CEP170: variants seen among roughly 807,000 people sequenced by gnomAD.
CEP170 encodes the protein centrosomal protein of 170 kDa.
In CEP170, 21 loss-of-function variants were observed where a neutral mutation model predicts 151.9. The ratio of observed to expected loss-of-function variants is 0.14; its 90% CI spans 0.10 to 0.20. CEP170 has a LOEUF of 0.20. CEP170 is among the 10% of genes least tolerant of loss of function. CEP170 has a pLI of 1.00. For missense variants in CEP170, 964 were observed against 1,892.9 expected (o/e 0.51, Z 9.11); for synonymous variants, 356 against 648.8 (o/e 0.55, Z 6.86).
At chr1:243,222,709 C>T (rs2062924961) in intron 2 of CEP170, among the ~76,000 whole-genome samples, 1 of 152,128 alleles carries the variant, frequency 6.6e-6, no homozygotes, top group Non-Finnish European at 1.5e-5. Flanking sequence ...AGTCATCGCT[C>T]CCATCTTCAT....
rs552331737 is a variant in CEP170 at position 243,197,754 on chromosome 1, G to T, written c.631+1306C>A. ...ATGCTGAAGTAAACAACCCTCATGG[G>T]GTTCAGTTATGTGAGCCAGTAAATT... On this transcript the variant is annotated intron_variant, in intron 7 of 19. Transcript: ENST00000366542. Among the ~76,000 whole-genome samples the T allele has an allele frequency of 1.6e-4, 25 of 152,054 alleles. 2 individuals are homozygous for T. The South Asian group carries it at 5.2e-3, about 32-fold the overall frequency.
At chr1:243,233,382 A>G (rs186059393) in intron 1 of CEP170, among the ~76,000 whole-genome samples, 1 of 150,926 alleles carries the variant, frequency 6.6e-6, no homozygotes, top group African/African-American at 2.4e-5. Context: ...GCAGCTATTG[A>G]GCAGAGCACA....
At chr1:243,169,878 T>G in intron 11 of CEP170, 124 bp from the exon 12 acceptor site, 1 of 1,144,894 alleles carries the variant, frequency 8.7e-7, no homozygotes, top group African/African-American at 1.6e-5. Context: ...CACCTTGCTA[T>G]ATTATCATTG....
intron 10 of CEP170, among the ~76,000 whole-genome samples, chr1:243,181,989 C>T (rs2059645671): frequency 6.6e-6 from 1 of 152,132 alleles, no homozygotes; most frequent in South Asian, 2.1e-4. Flanking sequence ...CCTGCCAAAA[C>T]TCATGTAGAA....
intron 3 of CEP170, among the ~76,000 whole-genome samples, chr1:243,212,760 C>T (rs951355692): frequency 2.6e-5 from 4 of 152,052 alleles, no homozygotes; most frequent in Admixed American, 6.5e-5. Flanking sequence ...ATTTCCTGGG[C>T]TCAGGTGATT....
At chr1:243,238,872 C>T (rs1171414401) in intron 1 of CEP170, among the ~76,000 whole-genome samples, 1 of 152,122 alleles carries the variant, frequency 6.6e-6, no homozygotes, top group Non-Finnish European at 1.5e-5. Flanking sequence ...CTTAAATTAC[C>T]TCTCAATATC....
chr1:243,215,780 TTC>T (rs1239887083), intron 3 of CEP170, among the ~76,000 whole-genome samples: 1 of 152,146 alleles, frequency 6.6e-6, no homozygotes, highest in Non-Finnish European at 1.5e-5. Context: ...CCACACCCTA[TTC>T]ATACACTCCC....
chr1:243,126,792 C>T, intron 19 of CEP170, 54 bp from the exon 20 acceptor site: 2 of 1,483,746 alleles, frequency 1.3e-6, no homozygotes, highest in Non-Finnish European at 1.8e-6. Flanking sequence ...CACATATAAA[C>T]ACTGTTCATG....
At position 243,191,568 on chromosome 1, in the gene CEP170, T is replaced by C. The variant is rs1214285966; in HGVS notation, c.632-74A>G. 9.5e-6 allele frequency: 12 copies of C among 1,259,356 alleles called. No homozygotes were observed. The Admixed American group carries it at 2.1e-4, about 22-fold the overall frequency. 78.0% of individuals were successfully genotyped at this position (1,259,356 alleles called of 1,614,324 possible). On this transcript the variant is annotated intron_variant, in intron 7 of 19. Coordinates refer to ENST00000366542, the MANE Select transcript of CEP170 (RefSeq NM_014812.3). ...ACTTGAGGGAGTCTGGTAATGGCCA[T>C]GTGTACTACTCCGTGAGAACCAGAA...
intron 7 of CEP170, among the ~76,000 whole-genome samples, chr1:243,194,088 G>A (rs939526966): frequency 1.6e-4 from 24 of 151,738 alleles, no homozygotes; most frequent in African/African-American, 5.3e-4. Flanking sequence ...GATCTTCACC[G>A]AGAGGTTTTT....
chr1:243,160,524 GAA>G (rs896482623), intron 13 of CEP170, among the ~76,000 whole-genome samples: 1 of 151,756 alleles, frequency 6.6e-6, no homozygotes, highest in African/African-American at 2.4e-5. Flanking sequence ...ACTTAAAAAG[GAA>G]AAAAAGAGTT....
intron 10 of CEP170, 33 bp from the exon 11 acceptor site, chr1:243,172,879 G>A (rs750182448): frequency 1.7e-5 from 25 of 1,510,356 alleles, no homozygotes; most frequent in East Asian, 1.2e-4. Flanking sequence ...AAATGAAAAC[G>A]AAAAGTCTGA....
intron 1 of CEP170, among the ~76,000 whole-genome samples, chr1:243,233,562 T>A (rs541071027): frequency 1.7e-3 from 251 of 151,742 alleles, no homozygotes; most frequent in African/African-American, 5.9e-3. Context: ...TGAAACCCTG[T>A]CTCTATTAAA....
intron 1 of CEP170, among the ~76,000 whole-genome samples, chr1:243,225,764 G>C (rs912551248): frequency 6.6e-6 from 1 of 152,064 alleles, no homozygotes; most frequent in Non-Finnish European, 1.5e-5. Flanking sequence ...ACCTGATTAA[G>C]AACTATGTTG....
chr1:243,234,443 A>T (rs1284437559), intron 1 of CEP170, among the ~76,000 whole-genome samples: 1 of 152,234 alleles, frequency 6.6e-6, no homozygotes. Context: ...AATAAAATCA[A>T]TGAAAATCTA....
At chr1:243,159,635 A>C (rs1314159607) in intron 13 of CEP170, among the ~76,000 whole-genome samples, 2 of 152,222 alleles carry the variant, frequency 1.3e-5, no homozygotes, top group Admixed American at 1.3e-4. Context: ...TAAAGAGAAG[A>C]AACAGGCCCA....
chr1:243,192,401 A>G (rs1167148309), intron 7 of CEP170, among the ~76,000 whole-genome samples: 3 of 152,200 alleles, frequency 2.0e-5, no homozygotes, highest in African/African-American at 4.8e-5. Context: ...TGAATAAAAT[A>G]CATAAATAAA....
At chr1:243,152,516 C>A (rs965022802) in intron 14 of CEP170, among the ~76,000 whole-genome samples, 2 of 110,834 alleles carry the variant, frequency 1.8e-5, no homozygotes, top group Admixed American at 1.1e-4. Context: ...CCACCGCGCC[C>A]AGCCATTTTT....
At chr1:243,161,832 T>A (rs1330121198) in intron 13 of CEP170, among the ~76,000 whole-genome samples, 2 of 152,192 alleles carry the variant, frequency 1.3e-5, no homozygotes, top group Non-Finnish European at 2.9e-5. Flanking sequence ...AGTTAAAATT[T>A]TGCTTTTCTT....
Sources: gnomAD v4.1 joint callset for allele counts (sites outside exome capture counted in the v4.1 genomes callset) on GRCh38, gnomAD v4.1.1 for gene constraint, MANE v1.5 for transcripts, NCBI Gene and HGNC (gene_info 2026-07-23, HGNC 2026-07-21) for gene names.